GLIS3: variants seen among roughly 807,000 people sequenced by gnomAD.
The protein encoded by GLIS3 is zinc finger protein GLIS3.
In GLIS3, 53 loss-of-function variants were observed where a neutral mutation model predicts 78.6. The ratio of observed to expected loss-of-function variants is 0.67; its 90% CI spans 0.54 to 0.85. The LOEUF (loss-of-function observed/expected upper bound fraction) is 0.85, where lower values mean the gene tolerates loss of function less well. Ranked by LOEUF, GLIS3 falls within the 40% of genes least tolerant of loss-of-function variation. The pLI is 0.00. For missense variants in GLIS3, 1,703 were observed against 1,231.1 expected (o/e 1.38, Z -5.74); for synonymous variants, 684 against 509.9 (o/e 1.34, Z -4.60).
chr9:4,220,327 T>A (rs2131328550), intron 2 of GLIS3, among the ~76,000 whole-genome samples: 1 of 152,350 alleles, frequency 6.6e-6, no homozygotes, highest in East Asian at 1.9e-4. Flanking sequence ...GATATTTAAA[T>A]AATCTCAAAA....
chr9:4,339,499 G>A (rs1056778913), intron 2 of GLIS3, among the ~76,000 whole-genome samples: 10 of 151,646 alleles, frequency 6.6e-5, no homozygotes, highest in Non-Finnish European at 1.0e-4. Flanking sequence ...GTTTTTTGAA[G>A]GGCTGGCGCC....
At chr9:4,367,248 C>T in the GLIS3 span, among the ~76,000 whole-genome samples, 2 of 152,212 alleles carry the variant, frequency 1.3e-5, no homozygotes, top group African/African-American at 2.4e-5. Context: ...CTCTCCCTCT[C>T]GCTTTACATT....
intron 2 of GLIS3, among the ~76,000 whole-genome samples, chr9:4,321,213 G>A (rs1306152541): frequency 2.1e-5 from 3 of 146,336 alleles, no homozygotes; most frequent in Non-Finnish European, 4.5e-5. Flanking sequence ...AAGGTCAGGA[G>A]ATCGAGACCA....
intron 2 of GLIS3, among the ~76,000 whole-genome samples, chr9:4,260,906 G>A (rs1046174935): frequency 3.3e-5 from 5 of 152,194 alleles, no homozygotes; most frequent in African/African-American, 1.2e-4. Context: ...ACTAGCATAT[G>A]TAGCTACTGA....
chr9:4,224,635 C>T (rs566186753), intron 2 of GLIS3, among the ~76,000 whole-genome samples: 4 of 152,180 alleles, frequency 2.6e-5, no homozygotes, highest in Admixed American at 1.3e-4. Context: ...GCTTACGAGA[C>T]GCATTTTGAG....
At chr9:4,374,706 G>C in the GLIS3 span, among the ~76,000 whole-genome samples, 3 of 152,338 alleles carry the variant, frequency 2.0e-5, no homozygotes, top group South Asian at 4.1e-4. Flanking sequence ...TCATCTTCTA[G>C]ATGAATGATC....
intron 2 of GLIS3, among the ~76,000 whole-genome samples, chr9:4,145,654 C>T (rs750237294): frequency 2.0e-5 from 3 of 152,054 alleles, no homozygotes; most frequent in Non-Finnish European, 2.9e-5. Flanking sequence ...CATCAGTGCC[C>T]TCTGTCAGAG....
intron 7 of GLIS3, among the ~76,000 whole-genome samples, chr9:3,880,727 G>C (rs1177283683): frequency 6.6e-6 from 1 of 152,132 alleles, no homozygotes; most frequent in African/African-American, 2.4e-5. Context: ...GATAGAATAA[G>C]TACCCCAGAT....
the GLIS3 span, among the ~76,000 whole-genome samples, chr9:4,398,136 C>T: frequency 1.3e-5 from 2 of 152,062 alleles, no homozygotes; most frequent in Non-Finnish European, 2.9e-5. Flanking sequence ...ACACCTCAAT[C>T]CCAAGTGATT....
chr9:4,137,490 T>C (rs781674944), intron 2 of GLIS3, among the ~76,000 whole-genome samples: 4 of 152,208 alleles, frequency 2.6e-5, no homozygotes, highest in African/African-American at 4.8e-5. Flanking sequence ...ACCCAAGAGA[T>C]TAAAATGTAT....
intron 4 of GLIS3, among the ~76,000 whole-genome samples, chr9:4,026,250 A>G (rs1266309778): frequency 2.0e-5 from 3 of 152,254 alleles, no homozygotes; most frequent in Non-Finnish European, 2.9e-5. Context: ...ACTGAGAAAC[A>G]GTGTCATTAG....
At chr9:4,382,520 A>C in the GLIS3 span, among the ~76,000 whole-genome samples, 1 of 152,142 alleles carries the variant, frequency 6.6e-6, no homozygotes, top group South Asian at 2.1e-4. Context: ...GCTTAGTCTG[A>C]ATTCCTATGG....
At chr9:4,426,180 CT>C in the GLIS3 span, among the ~76,000 whole-genome samples, 1 of 152,174 alleles carries the variant, frequency 6.6e-6, no homozygotes, top group Admixed American at 6.5e-5. Flanking sequence ...CCAAAGTCAT[CT>C]GATTTCCTCC....
the GLIS3 span, among the ~76,000 whole-genome samples, chr9:4,414,045 G>A: frequency 1.3e-5 from 2 of 152,152 alleles, no homozygotes; most frequent in South Asian, 4.2e-4. Context: ...ATATTTCTCG[G>A]GAAAACACTA....
At chr9:4,170,231 G>A (rs1178114809) in intron 2 of GLIS3, among the ~76,000 whole-genome samples, 1 of 152,190 alleles carries the variant, frequency 6.6e-6, no homozygotes, top group African/African-American at 2.4e-5. Context: ...CAAAGACTGT[G>A]AAGATAGGAA....
At chr9:4,304,813 G>T (rs1249290336), upstream of GLIS3, among the ~76,000 whole-genome samples, 1 of 152,122 alleles carries the variant, frequency 6.6e-6, no homozygotes, top group Non-Finnish European at 1.5e-5. Context: ...AAAAAACTTG[G>T]AGATTTTCCA....
intron 4 of GLIS3, among the ~76,000 whole-genome samples, chr9:4,011,914 C>G (rs1005872269): frequency 6.6e-6 from 1 of 152,012 alleles, no homozygotes; most frequent in African/African-American, 2.4e-5. Context: ...AGTCAGACTG[C>G]TATGGTTGAG....
chr9:4,314,677 G>A lies in GLIS3; in HGVS notation n.265-4149C>T, dbSNP rs148660645. ...AGTTTCTGAAAAGCCACCATGAGAG[G>A]TTCAGAACTCACATGAAAAAGAACA... On this transcript the variant is annotated intron_variant and non_coding_transcript_variant, in intron 2 of 4. Coordinates refer to the GLIS3 transcript ENST00000471664. Among the ~76,000 whole-genome samples the A allele has an allele frequency of 4.5e-4, 68 of 152,264 alleles. No individual in the cohort carries two copies. The Middle Eastern group carries it at 0.01, about 23-fold the overall frequency.
At chr9:4,293,168 CTT>C (rs1334214404) in intron 1 of GLIS3, among the ~76,000 whole-genome samples, 2 of 152,180 alleles carry the variant, frequency 1.3e-5, no homozygotes, top group Non-Finnish European at 2.9e-5. Flanking sequence ...TAACTAAACA[CTT>C]AGTCCATATG....
Sources: gnomAD v4.1 joint callset for allele counts (sites outside exome capture counted in the v4.1 genomes callset) on GRCh38, gnomAD v4.1.1 for gene constraint, MANE v1.5 for transcripts, NCBI Gene and HGNC (gene_info 2026-07-23, HGNC 2026-07-21) for gene names.